Variants in GRIA1 observed in about 807,000 individuals in gnomAD.
GRIA1 encodes glutamate ionotropic receptor AMPA type subunit 1, also known as glutamate receptor 1.
GRIA1 carries 31 observed loss-of-function variants against 99.2 expected under a neutral mutation model. The ratio of observed to expected loss-of-function variants is 0.31; its 90% CI spans 0.23 to 0.42. The LOEUF (loss-of-function observed/expected upper bound fraction) is 0.42. Ranked by LOEUF, GRIA1 falls within the 10% of genes least tolerant of loss-of-function variation. The probability of loss-of-function intolerance (pLI) is 1.00; values close to 1 mark genes in which losing one functional copy is unlikely to be tolerated. For missense variants in GRIA1, 782 were observed against 1,157.5 expected (o/e 0.68, Z 4.71); for synonymous variants, 438 against 432.4 (o/e 1.01, Z -0.16).
At chr5:153,647,261 T>A in intron 3 of GRIA1, 94 bp downstream of exon 3, 1 of 1,407,648 alleles carries the variant, frequency 7.1e-7, no homozygotes, top group East Asian at 2.3e-5. Context: ...CCCTGAAAAA[T>A]ATGGGAAAAT....
At chr5:153,751,986 GA>G (rs1170791877) in intron 11 of GRIA1, among the ~76,000 whole-genome samples, 1 of 152,088 alleles carries the variant, frequency 6.6e-6, no homozygotes, top group African/African-American at 2.4e-5. Flanking sequence ...CTATCACTTG[GA>G]TCTCGGCAGT....
chr5:153,688,775 A>C (rs1757524636), intron 8 of GRIA1, among the ~76,000 whole-genome samples: 1 of 151,132 alleles, frequency 6.6e-6, no homozygotes, highest in African/African-American at 2.4e-5. Flanking sequence ...ACTGGAGTGC[A>C]ATGGCATGGT....
intron 5 of GRIA1, among the ~76,000 whole-genome samples, chr5:153,663,225 A>T (rs1461461512): frequency 1.3e-5 from 2 of 152,186 alleles, no homozygotes; most frequent in African/African-American, 4.8e-5. Flanking sequence ...CCCATTTTAT[A>T]AGGAGAAAAA....
chr5:153,712,619 A>C (rs577264582), intron 11 of GRIA1, among the ~76,000 whole-genome samples: 6 of 129,828 alleles, frequency 4.6e-5, no homozygotes, highest in African/African-American at 1.8e-4. Context: ...GAAGAGAAAG[A>C]GCCTGAGAGT....
chr5:153,710,488 G>A lies in GRIA1; in HGVS notation c.1823+4421G>A, dbSNP rs150300944. On this transcript the variant is annotated intron_variant, in intron 11 of 15. Transcript: ENST00000285900. ...TCTGCCTACCTTGGCCTCCTGAAGT[G>A]CTGGGATTGCAGACATGAGCCACTG... Among the ~76,000 whole-genome samples the A allele has an allele frequency of 3.7e-4, 57 of 152,278 alleles. No individual in the cohort carries two copies. In the East Asian group the frequency reaches 0.011, roughly 28 times the overall value.
chr5:153,807,984 C>T (rs1766553645), intron 15 of GRIA1, among the ~76,000 whole-genome samples: 1 of 152,208 alleles, frequency 6.6e-6, no homozygotes. Flanking sequence ...AATTAATGAA[C>T]AGCTGAGAGA....
At chr5:153,589,842 T>C (rs1055387634) in intron 2 of GRIA1, among the ~76,000 whole-genome samples, 1 of 152,026 alleles carries the variant, frequency 6.6e-6, no homozygotes, top group South Asian at 2.1e-4. Flanking sequence ...ATGTACTGTA[T>C]GGAAAAAGAG....
At chr5:153,561,593 C>T (rs574161206) in intron 2 of GRIA1, among the ~76,000 whole-genome samples, 1 of 151,560 alleles carries the variant, frequency 6.6e-6, no homozygotes, top group East Asian at 2.0e-4. Context: ...TATTAAGCTT[C>T]CATTTTCTCT....
chr5:153,724,717 A>T (rs1284482885), intron 11 of GRIA1, among the ~76,000 whole-genome samples: 14 of 152,334 alleles, frequency 9.2e-5, no homozygotes, highest in Non-Finnish European at 1.6e-4. Flanking sequence ...AAAAGAAATG[A>T]ACAAAGCCTC....
intron 2 of GRIA1, among the ~76,000 whole-genome samples, chr5:153,524,610 C>A (rs996612759): frequency 6.6e-6 from 1 of 152,140 alleles, no homozygotes; most frequent in Non-Finnish European, 1.5e-5. Context: ...AATTTGTGTT[C>A]ACTTAATTGA....
intron 13 of GRIA1, among the ~76,000 whole-genome samples, 172 bp from the exon 14 acceptor site, chr5:153,794,449 C>G (rs1307520039): frequency 6.6e-6 from 1 of 152,082 alleles, no homozygotes. Context: ...GAGACTATGC[C>G]TTGGCTCCAT....
At position 153,701,137 on chromosome 5, in the gene GRIA1, T is replaced by G. The variant is rs573682583; in HGVS notation, c.1452+2064T>G. ...TCACCTTCACCTCATGTAATGTGGT[T>G]TGCTTGGTTAAAAGTCTGCAGTGTG... is the stretch of plus-strand genomic sequence containing the variant. On this transcript the variant is annotated intron_variant, in intron 10 of 15. Transcript: ENST00000285900. 3.9e-5 allele frequency among the ~76,000 whole-genome samples: 6 copies of G among 152,290 alleles called. No homozygotes were observed. The East Asian group carries it at 1.2e-3, about 30-fold the overall frequency.
At chr5:153,648,263 C>G (rs1457500981) in intron 3 of GRIA1, among the ~76,000 whole-genome samples, 5 of 152,190 alleles carry the variant, frequency 3.3e-5, no homozygotes, top group African/African-American at 9.7e-5. Context: ...TTGATGACTT[C>G]CCTTCTCAGA....
chr5:153,741,008 ACT>A (rs1321332200), intron 11 of GRIA1, among the ~76,000 whole-genome samples: 1 of 117,896 alleles, frequency 8.5e-6, no homozygotes, highest in Non-Finnish European at 1.6e-5. Context: ...ATGGAGTCTC[ACT>A]CTGTCGCCCA....
rs189966854 is a variant in GRIA1, at chr5:153,717,989, G to A, written c.1823+11922G>A. 6.6e-5 allele frequency among the ~76,000 whole-genome samples: 10 copies of A among 152,324 alleles called. No individual in the cohort carries two copies. In the South Asian group the frequency reaches 1.9e-3, roughly 28 times the overall value. On this transcript the variant is annotated intron_variant, in intron 11 of 15. Coordinates refer to ENST00000285900, the MANE Select transcript of GRIA1 (RefSeq NM_000827.4). ...TGGGAATGGAAAAAAAATCAATAGA[G>A]AGGGAGTTTGCTTTATTTTGGTTCT...
intron 2 of GRIA1, among the ~76,000 whole-genome samples, chr5:153,557,100 A>G (rs945909451): frequency 2.0e-5 from 3 of 152,208 alleles, no homozygotes; most frequent in African/African-American, 7.2e-5. Context: ...ACACCTGTAT[A>G]AGGCACTTAC....
At chr5:153,612,014 A>G (rs917043008) in intron 2 of GRIA1, among the ~76,000 whole-genome samples, 1 of 152,332 alleles carries the variant, frequency 6.6e-6, no homozygotes, top group South Asian at 2.1e-4. Flanking sequence ...ACAGAGCCTC[A>G]GTTTCTCACC....
intron 2 of GRIA1, among the ~76,000 whole-genome samples, chr5:153,578,776 C>T (rs1213215616): frequency 6.6e-6 from 1 of 152,080 alleles, no homozygotes; most frequent in East Asian, 1.9e-4. Flanking sequence ...GGCATGGTGG[C>T]GTGCACCTGT....
At chr5:153,790,893 T>C (rs911380620) in intron 13 of GRIA1, among the ~76,000 whole-genome samples, 10 of 152,206 alleles carry the variant, frequency 6.6e-5, no homozygotes, top group African/African-American at 2.4e-4. Flanking sequence ...TTTCCAAGGT[T>C]CCTGGCCTTG....
Sources: allele counts gnomAD v4.1 joint callset (sites outside exome capture counted in the v4.1 genomes callset), GRCh38; gene constraint gnomAD v4.1.1; transcripts MANE v1.5; gene names NCBI Gene and HGNC (gene_info 2026-07-23, HGNC 2026-07-21).